The following RYR3 variants were observed in gnomAD, a reference collection of about 807,000 sequenced individuals.
The protein encoded by RYR3 is brain ryanodine receptor-calcium release channel.
Under a neutral mutation model 584.3 loss-of-function variants are expected in RYR3, and 207 were observed. The observed-to-expected ratio is 0.35, with a 90% confidence interval of 0.32 to 0.40. The LOEUF (loss-of-function observed/expected upper bound fraction) is 0.40, where lower values mean the gene tolerates loss of function less well. Ranked by LOEUF, RYR3 falls within the 10% of genes least tolerant of loss-of-function variation. The pLI is 1.00. For synonymous variants in RYR3, 2,416 were observed against 2,248.5 expected (o/e 1.07, Z -2.11); for missense variants, 5,616 against 6,089.2 (o/e 0.92, Z 2.59).
chr15:33,673,270 C>A (rs370504876), intron 38 of RYR3, among the ~76,000 whole-genome samples: 1 of 152,234 alleles, frequency 6.6e-6, no homozygotes. Flanking sequence ...GGTGGGCTCA[C>A]CCCGCAGTCC....
intron 60 of RYR3, among the ~76,000 whole-genome samples, chr15:33,765,263 G>C (rs61040644): frequency 0.035 from 5,351 of 152,102 alleles, 317 homozygotes; most frequent in African/African-American, 0.12. Flanking sequence ...TGTGCCTCAG[G>C]TTCTCTCTGT....
intron 66 of RYR3, among the ~76,000 whole-genome samples, chr15:33,787,039 C>CA (rs34655217): frequency 6.6e-6 from 1 of 152,056 alleles, no homozygotes; most frequent in South Asian, 2.1e-4. Context: ...GGAAAGGTTT[C>CA]AAAAAAATCT....
intron 38 of RYR3, among the ~76,000 whole-genome samples, chr15:33,694,147 C>T (rs549444601): frequency 7.1e-6 from 1 of 141,430 alleles, no homozygotes; most frequent in Admixed American, 7.1e-5. Context: ...CACTATCATC[C>T]TAATATCATG....
At chr15:33,400,551 T>C (rs749470546) in intron 1 of RYR3, among the ~76,000 whole-genome samples, 27 of 152,246 alleles carry the variant, frequency 1.8e-4, no homozygotes, top group Non-Finnish European at 3.5e-4. Flanking sequence ...GGCTGAGTTC[T>C]ATCACTGATT....
intron 85 of RYR3, among the ~76,000 whole-genome samples, chr15:33,828,145 C>T (rs2077475027): frequency 6.6e-6 from 1 of 152,154 alleles, no homozygotes; most frequent in Non-Finnish European, 1.5e-5. Flanking sequence ...TTCGATGTTA[C>T]TATTGTAATT....
intron 1 of RYR3, among the ~76,000 whole-genome samples, chr15:33,426,153 T>G (rs2141669856): frequency 1.3e-5 from 2 of 152,352 alleles, no homozygotes; most frequent in South Asian, 4.1e-4. Flanking sequence ...ATGTTAAGCA[T>G]TCTTTGTAAA....
At chr15:33,811,676 C>T (rs955764751) in intron 72 of RYR3, among the ~76,000 whole-genome samples, 2 of 152,016 alleles carry the variant, frequency 1.3e-5, no homozygotes, top group African/African-American at 2.4e-5. Flanking sequence ...ATGTGAACGT[C>T]AGGCCATAGC....
chr15:33,612,207 CTACTT>C (rs1239903242), intron 18 of RYR3, among the ~76,000 whole-genome samples: 11 of 152,270 alleles, frequency 7.2e-5, no homozygotes, highest in Non-Finnish European at 1.2e-4. Flanking sequence ...ATTTTCCTCA[CTACTT>C]TAAGTCAGGA....
intron 1 of RYR3, among the ~76,000 whole-genome samples, chr15:33,460,644 G>A (rs748722201): frequency 1.3e-5 from 2 of 152,164 alleles, no homozygotes; most frequent in African/African-American, 2.4e-5. Context: ...ATACATTAAG[G>A]AATAATTAAC....
At chr15:33,637,290 T>A (rs1347880746) in intron 27 of RYR3, among the ~76,000 whole-genome samples, 1 of 152,242 alleles carries the variant, frequency 6.6e-6, no homozygotes, top group Non-Finnish European at 1.5e-5. Flanking sequence ...TCTCTGAGCT[T>A]TACTTTCTTC....
Position 33,736,126 on chromosome 15 carries a change from C to A in RYR3, c.7425-109C>A, listed in dbSNP as rs1307343201. The A allele has an allele frequency of 7.7e-6, 5 of 651,326 alleles. No individual in the cohort carries two copies. The East Asian group carries it at 1.4e-4, about 18-fold the overall frequency. The allele number at this position is 651,326 out of a possible 1,614,324, so 40.3% of individuals were successfully genotyped here. A position where few individuals can be genotyped will look rare whatever the true frequency, so the allele number is the denominator to read the frequency against. On this transcript the variant is annotated intron_variant, in intron 48 of 103. Transcript: ENST00000634891. ...TATCCGAGATCTTGTGTATTAGGAG[C>A]TGTTTTGAGGCTTGGCTGTAATATG... is the stretch of plus-strand genomic sequence containing the variant.
At chr15:33,504,026 C>T (rs772209243) in intron 3 of RYR3, among the ~76,000 whole-genome samples, 13 of 152,148 alleles carry the variant, frequency 8.5e-5, no homozygotes, top group Non-Finnish European at 1.9e-4. Context: ...AATTCACCAG[C>T]GAATGTGGAG....
At chr15:33,329,597 G>C (rs1441667378) in intron 1 of RYR3, among the ~76,000 whole-genome samples, 1 of 152,168 alleles carries the variant, frequency 6.6e-6, no homozygotes, top group Non-Finnish European at 1.5e-5. Flanking sequence ...GAAAGAACTG[G>C]AACACAATAT....
At chr15:33,540,741 G>A (rs1000330057) in intron 6 of RYR3, 50 bp from the exon 7 acceptor site, 25 of 1,143,648 alleles carry the variant, frequency 2.2e-5, no homozygotes, top group Middle Eastern at 2.1e-4. Flanking sequence ...TGTTTCTGTC[G>A]GCACTGGACT....
chr15:33,405,248 A>G (rs1595997293), intron 1 of RYR3, among the ~76,000 whole-genome samples: 1 of 152,314 alleles, frequency 6.6e-6, no homozygotes, highest in South Asian at 2.1e-4. Context: ...CCTTGAGGCC[A>G]TGGTTCTGGC....
chr15:33,433,415 T>C (rs538021798), intron 1 of RYR3, among the ~76,000 whole-genome samples: 1 of 152,278 alleles, frequency 6.6e-6, no homozygotes, highest in South Asian at 2.1e-4. Context: ...ACATTTTATA[T>C]AATAAGTACA....
At chr15:33,438,350 C>T (rs1448363821) in intron 1 of RYR3, among the ~76,000 whole-genome samples, 1 of 152,120 alleles carries the variant, frequency 6.6e-6, no homozygotes, top group African/African-American at 2.4e-5. Context: ...ACCACCATTC[C>T]ACTCATTGCT....
chr15:33,748,247 C>G lies in RYR3; in HGVS notation c.8123C>G (p.Ser2708Cys). ...GAAAATGAGAAGCTTCGAAGTGTGT[C>G]CCAGGCCAACCAGGTATGACACCAC... The part of the protein sequence containing the change: ...QRENEKLRSV[S>C]QANQGNSYSP... Residue 2708 changes from serine to cysteine, a missense_variant, in exon 54 of 104, where the codon TCC becomes TGC. Physicochemically the swap from Ser to Cys is moderately radical, Grantham distance 112. Coordinates refer to ENST00000634891, the MANE Select transcript of RYR3 (RefSeq NM_001036.6). 6.2e-7 allele frequency: 1 copy of G among 1,613,718 alleles called. No homozygotes were observed. The highest frequency in any genetic ancestry group is 1.3e-5 in the African/African-American group (1 of 75,012).
chr15:33,722,827 G>T lies in RYR3; in HGVS notation c.6732G>T (p.Met2244Ile). 6.2e-7 allele frequency: 1 copy of T among 1,612,770 alleles called. No individual in the cohort carries two copies. Among genetic ancestry groups the T allele is most frequent in the Non-Finnish European group, 8.5e-7 (1 of 1,179,392 alleles). ...GEGGNGLLAAMQGAIKISENP... is the reference protein window; with the variant it reads ...GEGGNGLLAAIQGAIKISENP... ...GGGGAAACGGGCTCTTGGCAGCCAT[G>T]CAGGGTGCCATTAAGATCTCTGAGA... The change falls in exon 44 of 104, where the codon ATG becomes ATT. Residue 2244 changes from methionine to isoleucine, a missense_variant. Physicochemically the swap from Met to Ile is conservative, Grantham distance 10 (BLOSUM62 1). Around this residue, in one of 9 missense-constraint regions of RYR3, gnomAD observed 1,280 missense variants for 1,426.2 expected, o/e 0.90. Coordinates refer to ENST00000634891, the MANE Select transcript of RYR3 (RefSeq NM_001036.6).
Sources: gnomAD v4.1 joint callset for allele counts (sites outside exome capture counted in the v4.1 genomes callset) on GRCh38, gnomAD v4.1.1 for gene constraint, gnomAD v4.1.1 regional missense constraint, MANE v1.5 for transcripts, NCBI Gene and HGNC (gene_info 2026-07-23, HGNC 2026-07-21) for gene names.